The following CCDC178 variants were observed in gnomAD, a reference collection of about 807,000 sequenced individuals.
CCDC178 encodes coiled-coil domain containing 178, also known as coiled-coil domain-containing protein 178.
CCDC178 carries 126 observed loss-of-function variants against 117.4 expected under a neutral mutation model. The observed-to-expected ratio is 1.07, with a 90% CI of 0.93 to 1.24. The LOEUF is 1.24. Ranked by LOEUF, CCDC178 falls within the 50% of genes most tolerant of loss-of-function variation. CCDC178 has a pLI of 0.00. For synonymous variants in CCDC178, 283 were observed against 313.4 expected, an observed-to-expected ratio of 0.90 and a Z score of 1.02; for missense variants, 1,030 against 986.9, an observed-to-expected ratio of 1.04 and a Z score of -0.59.
At chr18:33,138,498 C>T (rs189066786) in intron 20 of CCDC178, among the ~76,000 whole-genome samples, 1 of 152,188 alleles carries the variant, frequency 6.6e-6, no homozygotes, top group East Asian at 1.9e-4. Flanking sequence ...CTGCTTATAG[C>T]TGCCTAGGGA....
intron 20 of CCDC178, among the ~76,000 whole-genome samples, chr18:33,155,273 A>G (rs1286699545): frequency 6.6e-6 from 1 of 152,140 alleles, no homozygotes; most frequent in Admixed American, 6.5e-5. Flanking sequence ...TGGGTTAAAA[A>G]AAGAAACTGA....
intron 12 of CCDC178, among the ~76,000 whole-genome samples, chr18:33,274,935 C>CTAAGTA (rs2059930030): frequency 6.6e-6 from 1 of 151,980 alleles, no homozygotes; most frequent in Non-Finnish European, 1.5e-5. Flanking sequence ...TAGCCCTGGC[C>CTAAGTA]TAAGTAATAA....
chr18:33,226,057 A>G (rs957155640), intron 16 of CCDC178, among the ~76,000 whole-genome samples: 1 of 152,166 alleles, frequency 6.6e-6, no homozygotes, highest in African/African-American at 2.4e-5. Flanking sequence ...GCTACTCGGG[A>G]GGCTGAGGCA....
At chr18:33,201,682 T>C (rs1348447749) in intron 20 of CCDC178, among the ~76,000 whole-genome samples, 1 of 152,100 alleles carries the variant, frequency 6.6e-6, no homozygotes, top group Non-Finnish European at 1.5e-5. Flanking sequence ...GGTGAAGCTG[T>C]GGGAAGGAAC....
chr18:33,004,748 G>A (rs1430248981), intron 21 of CCDC178, among the ~76,000 whole-genome samples: 3 of 151,860 alleles, frequency 2.0e-5, no homozygotes, highest in Non-Finnish European at 4.4e-5. Context: ...AATATATAAG[G>A]AACTCAAACA....
chr18:33,362,918 T>C (rs1485547723), intron 6 of CCDC178, among the ~76,000 whole-genome samples: 1 of 149,880 alleles, frequency 6.7e-6, no homozygotes, highest in African/African-American at 2.5e-5. Context: ...GCGATGTGAA[T>C]TGCACCTCAA....
chr18:33,419,190 A>C (rs1171004801), intron 2 of CCDC178, among the ~76,000 whole-genome samples: 1 of 152,214 alleles, frequency 6.6e-6, no homozygotes, highest in Non-Finnish European at 1.5e-5. Context: ...GCAACGGAGA[A>C]AGGACACCCT....
intron 20 of CCDC178, among the ~76,000 whole-genome samples, chr18:33,184,284 T>A (rs2058764559): frequency 6.6e-6 from 1 of 152,038 alleles, no homozygotes; most frequent in Non-Finnish European, 1.5e-5. Flanking sequence ...TGTATTTACT[T>A]CGGAATGCCA....
At chr18:33,324,331 T>A (rs995335364) in intron 10 of CCDC178, among the ~76,000 whole-genome samples, 5 of 151,942 alleles carry the variant, frequency 3.3e-5, no homozygotes, top group African/African-American at 4.8e-5. Flanking sequence ...GAGGGACATA[T>A]AACATCAACA....
intron 20 of CCDC178, among the ~76,000 whole-genome samples, chr18:33,165,256 G>A (rs527648124): frequency 1.3e-5 from 2 of 152,196 alleles, no homozygotes; most frequent in Admixed American, 1.3e-4. Flanking sequence ...CAGAGTCTGA[G>A]GTGGGCAAAT....
At chr18:33,102,339 A>G (rs271487) in intron 20 of CCDC178, among the ~76,000 whole-genome samples, 21,329 of 150,948 alleles carry the variant, frequency 0.14, 2,337 homozygotes, top group African/African-American at 0.31. Flanking sequence ...TCTAGTATGT[A>G]AATGCTCTAA....
At chr18:32,979,938 T>G (rs551920887) in intron 21 of CCDC178, among the ~76,000 whole-genome samples, 2 of 152,276 alleles carry the variant, frequency 1.3e-5, no homozygotes, top group South Asian at 2.1e-4. Context: ...ATGACAGAGA[T>G]ATCACTACAA....
At chr18:33,179,522 C>T (rs2058710052) in intron 20 of CCDC178, among the ~76,000 whole-genome samples, 1 of 151,598 alleles carries the variant, frequency 6.6e-6, no homozygotes, top group South Asian at 2.1e-4. Flanking sequence ...GAAATATAAC[C>T]CAAGTATAAT....
intron 21 of CCDC178, among the ~76,000 whole-genome samples, chr18:33,006,154 G>A (rs899566135): frequency 6.6e-6 from 1 of 151,892 alleles, no homozygotes; most frequent in African/African-American, 2.4e-5. Context: ...GACTCATTTA[G>A]CCTTTGTAAT....
At chr18:33,173,752 C>T (rs941274161) in intron 20 of CCDC178, among the ~76,000 whole-genome samples, 1 of 152,176 alleles carries the variant, frequency 6.6e-6, no homozygotes, top group Non-Finnish European at 1.5e-5. Flanking sequence ...TTGATGAGAA[C>T]ACTTGGTATA....
In CCDC178 at chr18:33,297,200, A is replaced by G. The variant is rs192455790; in HGVS notation, c.1023-3888T>C. Among the ~76,000 whole-genome samples the G allele has an allele frequency of 4.5e-3, 680 of 152,248 alleles. 3 individuals are homozygous for G. Among genetic ancestry groups the G allele is most frequent in the African/African-American group, 0.015 (636 of 41,574 alleles). On this transcript the variant is annotated intron_variant, in intron 11 of 22. Transcript: ENST00000383096. Reference sequence around the variant, plus strand: ...GGACACATAAAAAGAAGTATTAAGAAGCAAGTTTATAGCAGTAAATGACTA... The same window carrying G: ...GGACACATAAAAAGAAGTATTAAGAGGCAAGTTTATAGCAGTAAATGACTA...
chr18:33,366,901 C>G (rs2144747134), intron 6 of CCDC178, among the ~76,000 whole-genome samples: 1 of 152,060 alleles, frequency 6.6e-6, no homozygotes, highest in South Asian at 2.1e-4. Flanking sequence ...CATTTACAGA[C>G]AGAAAAATGT....
At chr18:33,333,509 T>C (rs2062701093) in intron 9 of CCDC178, 115 bp from the exon 10 acceptor site, 1 of 272,402 alleles carries the variant, frequency 3.7e-6, no homozygotes, top group Non-Finnish European at 6.4e-6. Context: ...CTTACTACTT[T>C]TTTTTTTTTT....
intron 6 of CCDC178, 58 bp downstream of exon 6, chr18:33,369,992 A>C: frequency 7.1e-7 from 1 of 1,400,644 alleles, no homozygotes; most frequent in East Asian, 2.6e-5. Context: ...TAAATAACCA[A>C]TCCTTAGAGG....
Sources: allele counts gnomAD v4.1 joint callset (sites outside exome capture counted in the v4.1 genomes callset), GRCh38; gene constraint gnomAD v4.1.1; transcripts MANE v1.5; gene names NCBI Gene and HGNC (gene_info 2026-07-23, HGNC 2026-07-21).